The following WDFY2 variants were observed in gnomAD, a reference collection of about 807,000 sequenced individuals.
WDFY2 encodes the protein WD repeat and FYVE domain-containing protein 2.
A neutral mutation model predicts 56.4 loss-of-function variants in WDFY2; 36 were observed. The observed-to-expected ratio is 0.64, with a 90% CI of 0.49 to 0.84. The LOEUF is 0.84. WDFY2 is among the 40% of genes least tolerant of loss of function. WDFY2 has a pLI of 0.00. For missense variants in WDFY2, 444 were observed against 512.2 expected (o/e 0.87, Z 1.29); for synonymous variants, 176 against 183.7 (o/e 0.96, Z 0.34).
intron 8 of WDFY2, 102 bp downstream of exon 8, chr13:51,751,517 T>C (rs746869691): frequency 2.6e-6 from 3 of 1,132,484 alleles, no homozygotes; most frequent in Non-Finnish European, 3.9e-6. Context: ...AAATAAGGCA[T>C]GTAACGTTAA....
intron 11 of WDFY2, among the ~76,000 whole-genome samples, chr13:51,759,027 C>A (rs1953492098): frequency 1.3e-5 from 2 of 152,024 alleles, no homozygotes; most frequent in South Asian, 2.1e-4. Context: ...ACAAAAAAAT[C>A]AAAAATTAGC....
At chr13:51,694,483 C>A (rs1422007830) in intron 3 of WDFY2, among the ~76,000 whole-genome samples, 2 of 152,270 alleles carry the variant, frequency 1.3e-5, no homozygotes, top group East Asian at 1.9e-4. Flanking sequence ...GTTGAAAATT[C>A]TTTTCTTTAA....
intron 6 of WDFY2, among the ~76,000 whole-genome samples, chr13:51,729,832 A>T (rs574121726): frequency 6.6e-6 from 1 of 152,336 alleles, no homozygotes; most frequent in South Asian, 2.1e-4. Context: ...AATGTATAAA[A>T]CATAAAGTTT....
At chr13:51,655,387 GT>G (rs200704957) in intron 1 of WDFY2, among the ~76,000 whole-genome samples, 7 of 149,676 alleles carry the variant, frequency 4.7e-5, no homozygotes, top group East Asian at 2.0e-4. Context: ...AGTATGCTAT[GT>G]TTTTTTTTCA....
At chr13:51,707,511 A>G (rs1000512123) in intron 4 of WDFY2, among the ~76,000 whole-genome samples, 1 of 152,220 alleles carries the variant, frequency 6.6e-6, no homozygotes, top group African/African-American at 2.4e-5. Context: ...TTATATACCC[A>G]GAGAAAGTAT....
chr13:51,747,352 C>T (rs1177171413), intron 7 of WDFY2, among the ~76,000 whole-genome samples: 2 of 152,182 alleles, frequency 1.3e-5, no homozygotes, highest in Non-Finnish European at 1.5e-5. Context: ...ATAACGACAT[C>T]AGGAAATCTC....
intron 3 of WDFY2, 97 bp from the exon 4 acceptor site, chr13:51,703,499 C>T (rs963392930): frequency 8.0e-6 from 7 of 880,214 alleles, no homozygotes; most frequent in South Asian, 3.2e-5. Flanking sequence ...TGGATGTAAT[C>T]GTCATGACAA....
At chr13:51,676,444 A>T (rs1254163346) in intron 3 of WDFY2, among the ~76,000 whole-genome samples, 4 of 152,200 alleles carry the variant, frequency 2.6e-5, no homozygotes, top group Admixed American at 2.6e-4. Context: ...TGAAGGGTGT[A>T]TTTGTCAAGA....
intron 3 of WDFY2, among the ~76,000 whole-genome samples, chr13:51,695,726 G>T (rs1234469174): frequency 6.6e-6 from 1 of 152,238 alleles, no homozygotes; most frequent in African/African-American, 2.4e-5. Context: ...TGTCAGACAG[G>T]GACATTTAAG....
At chr13:51,702,339 T>C (rs1259930704) in intron 3 of WDFY2, among the ~76,000 whole-genome samples, 1 of 151,596 alleles carries the variant, frequency 6.6e-6, no homozygotes, top group Non-Finnish European at 1.5e-5. Flanking sequence ...ATTAGTCTGC[T>C]GTGTCCAATT....
chr13:51,668,609 G>T (rs1418000061), intron 2 of WDFY2, among the ~76,000 whole-genome samples: 3 of 152,122 alleles, frequency 2.0e-5, no homozygotes, highest in African/African-American at 7.2e-5. Flanking sequence ...TTAAATTTTT[G>T]CTTTGTCGGG....
chr13:51,660,858 T>G (rs1388963011), intron 2 of WDFY2, among the ~76,000 whole-genome samples, 195 bp downstream of exon 2: 2 of 152,242 alleles, frequency 1.3e-5, no homozygotes, highest in Non-Finnish European at 2.9e-5. Context: ...TGACTCTATA[T>G]TCATAGCTTC....
chr13:51,595,138 T>C (rs1954121804), intron 1 of WDFY2, among the ~76,000 whole-genome samples: 1 of 152,200 alleles, frequency 6.6e-6, no homozygotes, highest in Non-Finnish European at 1.5e-5. Flanking sequence ...GTGTTCTCCT[T>C]TGCAGGCTTC....
chr13:51,743,591 T>G (rs1453164691), intron 7 of WDFY2, among the ~76,000 whole-genome samples: 1 of 152,208 alleles, frequency 6.6e-6, no homozygotes, highest in Admixed American at 6.5e-5. Flanking sequence ...CTGTAGAATT[T>G]CCTATGGAAA....
In WDFY2 at chr13:51,763,942, G is replaced by A. The variant is rs751168443; in HGVS notation, c.*4173G>A. 1 of 152,184 alleles carries A rather than the reference G, an allele frequency of 6.6e-6. No homozygotes were observed. Among genetic ancestry groups the A allele is most frequent in the African/African-American group, 2.4e-5 (1 of 41,442 alleles). The allele number at this position is 152,184 out of a possible 1,614,324, so 9.4% of individuals were successfully genotyped here. A position where few individuals can be genotyped will look rare whatever the true frequency, so the allele number is the denominator to read the frequency against. On this transcript the variant is annotated 3_prime_UTR_variant, in exon 12 of 12. Transcript: ENST00000298125. The stretch of plus-strand genomic sequence containing the variant: ...CACTAAATGAGATTCCTTTGGTTAT[G>A]GCTGTTCATAGAATTTTAATTCTAT...
At chr13:51,743,495 G>A (rs1953022389) in intron 7 of WDFY2, among the ~76,000 whole-genome samples, 1 of 152,226 alleles carries the variant, frequency 6.6e-6, no homozygotes, top group African/African-American at 2.4e-5. Context: ...GTACAGGCCT[G>A]TTAAATGGCG....
In WDFY2 at chr13:51,687,615, T is replaced by TA. The variant is rs768546432; in HGVS notation, c.279+12384dup. 6.1e-3 allele frequency among the ~76,000 whole-genome samples: 860 copies of TA among 140,650 alleles called. 5 individuals are homozygous for TA. Among genetic ancestry groups the TA allele is most frequent in the African/African-American group, 0.016 (603 of 38,438 alleles). 92.3% of individuals were successfully genotyped at this position (140,650 alleles called of 152,430 possible). A position where few individuals can be genotyped will look rare whatever the true frequency, so the allele number is the denominator to read the frequency against. On this transcript the variant is annotated intron_variant, in intron 3 of 11. Transcript: ENST00000298125. ...GTACAACGAAAATCCTGACTTGAGC[T>TA]AAAAAAAAAAAAGGAGTATTATTTC... is the stretch of plus-strand genomic sequence containing the variant.
At chr13:51,651,913 G>A (rs1197346698) in intron 1 of WDFY2, among the ~76,000 whole-genome samples, 2 of 152,170 alleles carry the variant, frequency 1.3e-5, no homozygotes, top group Non-Finnish European at 2.9e-5. Context: ...ATGTCTATTA[G>A]GTCCGCTTGG....
chr13:51,606,390 C>G (rs1195584167), intron 1 of WDFY2, among the ~76,000 whole-genome samples: 1 of 152,088 alleles, frequency 6.6e-6, no homozygotes, highest in Non-Finnish European at 1.5e-5. Context: ...ATTACCTATG[C>G]TGTTATTTCT....
Sources: gnomAD v4.1 joint callset for allele counts (sites outside exome capture counted in the v4.1 genomes callset) on GRCh38, gnomAD v4.1.1 for gene constraint, MANE v1.5 for transcripts, NCBI Gene and HGNC (gene_info 2026-07-23, HGNC 2026-07-21) for gene names.